The following NRG1 variants were observed in gnomAD, a reference collection of about 807,000 sequenced individuals.
The protein encoded by NRG1 is pro-neuregulin-1, membrane-bound isoform.
NRG1 carries 18 observed loss-of-function variants against 63.8 expected under a neutral mutation model. The observed-to-expected ratio is 0.28, with a 90% confidence interval of 0.19 to 0.42. The LOEUF is 0.42. Among genes scored for constraint, NRG1 ranks in the 10% least tolerant of loss-of-function variants. The pLI is 1.00. For synonymous variants in NRG1, 302 were observed against 301.3 expected (o/e 1.00, Z -0.02); for missense variants, 762 against 814.7 (o/e 0.94, Z 0.79).
rs1249703741 is a variant in NRG1 at position 31,662,082 on chromosome 8, T to A, written c.37+22651T>A. Among the ~76,000 whole-genome samples the A allele has an allele frequency of 2.6e-5, 4 of 152,200 alleles. No individual in the cohort carries two copies. The East Asian group carries it at 7.7e-4, about 29-fold the overall frequency. ...TCAGGGAGAAGAAGGAACAAGACAA[T>A]ACCTTACTAGAGCAAAATGACTTCC... On this transcript the variant is annotated intron_variant, in intron 1 of 10. Coordinates refer to the NRG1 transcript ENST00000519301.
chr8:32,174,143 T>C (rs1303947187), intron 1 of NRG1, among the ~76,000 whole-genome samples: 1 of 152,180 alleles, frequency 6.6e-6, no homozygotes, highest in Admixed American at 6.5e-5. Context: ...AAACTGTCTC[T>C]CAGACCACAG....
intron 1 of NRG1, among the ~76,000 whole-genome samples, chr8:31,743,385 AT>A (rs778807746): frequency 6.6e-6 from 1 of 151,996 alleles, no homozygotes; most frequent in Non-Finnish European, 1.5e-5. Flanking sequence ...AGTTTGTACT[AT>A]TCCCTGTTCA....
At position 32,671,340 on chromosome 8, in the gene NRG1, C is replaced by A. The variant is rs141449773; in HGVS notation, c.502+54455C>A. Among the ~76,000 whole-genome samples the A allele has an allele frequency of 1.1e-4, 17 of 152,152 alleles. No homozygotes were observed. The East Asian group carries it at 3.3e-3, about 29-fold the overall frequency. On this transcript the variant is annotated intron_variant, in intron 5 of 11. Transcript: ENST00000356819. ...AGCAGGATTGACATGCTGGGCCTTA[C>A]CCGGAAAGGCAAAGGCTGATTTGAT...
At chr8:32,604,876 TA>T (rs5890667) in intron 2 of NRG1, among the ~76,000 whole-genome samples, 85,461 of 150,128 alleles carry the variant, frequency 0.57, 24,839 homozygotes, top group African/African-American at 0.69. Context: ...CTGCCCATGT[TA>T]AAAAAAAAAA....
rs546414893 is a variant in NRG1, at chr8:31,910,510, C to T, written c.37+271079C>T. ...TGAAAAAGACCAGTTAGAAGGCTAC[C>T]AGAACAGTCCAGCAGAGAGATGATG... On this transcript the variant is annotated intron_variant, in intron 1 of 10. Transcript: ENST00000519301. Among the ~76,000 whole-genome samples, 3 of 152,164 alleles carry T rather than the reference C, an allele frequency of 2.0e-5. No individual in the cohort carries two copies. In the East Asian group the frequency reaches 5.8e-4, roughly 29 times the overall value.
intron 2 of NRG1, among the ~76,000 whole-genome samples, chr8:32,599,225 G>A (rs1162437511): frequency 6.6e-6 from 1 of 152,010 alleles, no homozygotes; most frequent in Non-Finnish European, 1.5e-5. Flanking sequence ...TTTTGCAGTT[G>A]TTAGTTGGTT....
At chr8:32,241,467 C>T (rs188169583) in intron 1 of NRG1, among the ~76,000 whole-genome samples, 1 of 152,258 alleles carries the variant, frequency 6.6e-6, no homozygotes, top group East Asian at 1.9e-4. Flanking sequence ...CCTCGGATTG[C>T]ATATCCATCA....
At chr8:32,740,942 G>C (rs76355695) in intron 6 of NRG1, among the ~76,000 whole-genome samples, 5 of 152,132 alleles carry the variant, frequency 3.3e-5, no homozygotes, top group Admixed American at 1.3e-4. Context: ...GATGGTTGCT[G>C]TATAGATGAA....
At chr8:32,349,434 G>A (rs1034800379) in intron 1 of NRG1, among the ~76,000 whole-genome samples, 2 of 152,150 alleles carry the variant, frequency 1.3e-5, no homozygotes, top group Non-Finnish European at 2.9e-5. Context: ...ACCAATAGGA[G>A]AAGTGGTACA....
intron 1 of NRG1, among the ~76,000 whole-genome samples, chr8:32,553,329 T>A (rs560045120): frequency 6.6e-6 from 1 of 152,304 alleles, no homozygotes; most frequent in South Asian, 2.1e-4. Flanking sequence ...AAATGAATTA[T>A]CTGTGTCTTT....
intron 1 of NRG1, among the ~76,000 whole-genome samples, chr8:31,834,532 C>G (rs1423247537): frequency 6.6e-6 from 1 of 152,032 alleles, no homozygotes; most frequent in African/African-American, 2.4e-5. Flanking sequence ...CAACACAAGA[C>G]CTTGTCTCTA....
chr8:31,906,458 T>C lies in NRG1; in HGVS notation c.37+267027T>C, dbSNP rs556519116. Among the ~76,000 whole-genome samples the C allele has an allele frequency of 1.1e-4, 16 of 152,284 alleles. No homozygotes were observed. In the South Asian group the frequency reaches 2.7e-3, roughly 26 times the overall value. The stretch of plus-strand genomic sequence containing the variant: ...GGAGCTGAGTTGGAGGCTGCTACCA[T>C]AGCTATATCTCTTGCTAGAGTTCCC... On this transcript the variant is annotated intron_variant, in intron 1 of 10. Coordinates refer to the NRG1 transcript ENST00000519301.
chr8:32,408,606 A>G (rs899491486), intron 1 of NRG1, among the ~76,000 whole-genome samples: 16 of 151,692 alleles, frequency 1.1e-4, no homozygotes, highest in Non-Finnish European at 2.4e-4. Context: ...AAGATTGTGC[A>G]TGATGGTGGG....
chr8:32,384,708 C>T (rs1168372194), intron 1 of NRG1, among the ~76,000 whole-genome samples: 1 of 152,216 alleles, frequency 6.6e-6, no homozygotes, highest in African/African-American at 2.4e-5. Flanking sequence ...TAAAATCCAA[C>T]ACCACCATCT....
chr8:32,282,095 G>A (rs1214766724), intron 1 of NRG1, among the ~76,000 whole-genome samples: 1 of 152,060 alleles, frequency 6.6e-6, no homozygotes, highest in Non-Finnish European at 1.5e-5. Context: ...TGACAGTGTG[G>A]AGATCAAGGG....
At chr8:31,786,312 A>G (rs1306289635) in intron 1 of NRG1, among the ~76,000 whole-genome samples, 1 of 152,184 alleles carries the variant, frequency 6.6e-6, no homozygotes, top group Admixed American at 6.5e-5. Context: ...AACTAAACCA[A>G]AGTGTCTTTT....
intron 1 of NRG1, among the ~76,000 whole-genome samples, chr8:32,035,516 A>G (rs1432071083): frequency 6.6e-6 from 1 of 152,132 alleles, no homozygotes; most frequent in African/African-American, 2.4e-5. Context: ...TGTCTTGATG[A>G]TCTGCCTAAT....
chr8:31,639,411 C>T, exon 1 of NRG1: 1 of 1,534,822 alleles, frequency 6.5e-7, no homozygotes, highest in South Asian at 1.2e-5. Flanking sequence ...AAAGGACGCG[C>T]GGGCCGAGTT....
At chr8:31,794,423 A>T (rs935873747) in intron 1 of NRG1, among the ~76,000 whole-genome samples, 2 of 151,452 alleles carry the variant, frequency 1.3e-5, no homozygotes, top group African/African-American at 4.9e-5. Context: ...GATAATTAAA[A>T]CATTGTTCTT....
Sources: gnomAD v4.1 joint callset for allele counts (sites outside exome capture counted in the v4.1 genomes callset) on GRCh38, gnomAD v4.1.1 for gene constraint, MANE v1.5 for transcripts, NCBI Gene and HGNC (gene_info 2026-07-23, HGNC 2026-07-21) for gene names.